The following PTPRU variants were observed in gnomAD, a reference collection of about 807,000 sequenced individuals.
PTPRU encodes protein tyrosine phosphatase receptor type U, also known as receptor-type tyrosine-protein phosphatase U.
A neutral mutation model predicts 166.3 loss-of-function variants in PTPRU; 69 were observed. The ratio of observed to expected loss-of-function variants is 0.41; its 90% confidence interval spans 0.34 to 0.51. The LOEUF (loss-of-function observed/expected upper bound fraction) is 0.51, where lower values mean the gene tolerates loss of function less well. Ranked by LOEUF, PTPRU falls within the 20% of genes least tolerant of loss-of-function variation. The pLI, the probability that PTPRU is intolerant of heterozygous loss-of-function variation, is 0.09. For synonymous variants in PTPRU, 793 were observed against 814.0 expected (o/e 0.97, Z 0.44); for missense variants, 1,657 against 2,013.7 (o/e 0.82, Z 3.39).
chr1:29,250,615 G>A (rs1684506325), intron 1 of PTPRU, among the ~76,000 whole-genome samples: 1 of 152,212 alleles, frequency 6.6e-6, no homozygotes, highest in Non-Finnish European at 1.5e-5. Flanking sequence ...CCTTCATAGA[G>A]GTATTGATGT....
Position 29,271,007 on chromosome 1 carries a change from G to A in PTPRU, c.1145-4441G>A, listed in dbSNP as rs532777056. On this transcript the variant is annotated intron_variant, in intron 7 of 29. Transcript: ENST00000373779. This position sits in a 1 kb window ranked among gnomAD's most constrained non-coding sequence, Gnocchi z 4.4. ...AAGAACTAATGAGAGGTGGAGATAGGATGTGAACTTGGGTGTACCAGATCC... is the reference window on the plus strand; with the variant it reads ...AAGAACTAATGAGAGGTGGAGATAGAATGTGAACTTGGGTGTACCAGATCC... 6.6e-6 allele frequency among the ~76,000 whole-genome samples: 1 copy of A among 152,302 alleles called. No individual in the cohort carries two copies. Among genetic ancestry groups the A allele is most frequent in the Non-Finnish European group, 1.5e-5 (1 of 68,026 alleles).
At chr1:29,303,351 G>A (rs1687226722) in intron 15 of PTPRU, among the ~76,000 whole-genome samples, 1 of 152,266 alleles carries the variant, frequency 6.6e-6, no homozygotes, top group Admixed American at 6.5e-5. Context: ...CGGTGGAACT[G>A]CCTGCGCAGG....
chr1:29,289,572 C>T (rs1686523855), intron 14 of PTPRU: 2 of 1,336,950 alleles, frequency 1.5e-6, no homozygotes, highest in South Asian at 2.5e-5. Flanking sequence ...GCCCCCTCCC[C>T]AGCCCGGGAG....
chr1:29,259,600 T>TGGGGGTTTTTTTGGGGGGGGGGGGGGGG, intron 5 of PTPRU, 36 bp downstream of exon 5: 1 of 253,696 alleles, frequency 3.9e-6, no homozygotes, highest in Non-Finnish European at 7.7e-6. Context: ...GGGGGCGGGG[T>TGGGGGTTTTTTTGGGGGGGGGGGGGGGG]GGGAGGGGGT....
chr1:29,291,740 A>G lies in PTPRU; in HGVS notation c.2319-129A>G. The G allele has an allele frequency of 1.1e-6, 1 of 950,518 alleles. No homozygotes were observed. Among genetic ancestry groups the G allele is most frequent in the Non-Finnish European group, 1.6e-6 (1 of 633,656 alleles). 58.9% of individuals were successfully genotyped at this position (950,518 alleles called of 1,614,324 possible). A position where few individuals can be genotyped will look rare whatever the true frequency, so the allele number is the denominator to read the frequency against. On this transcript the variant is annotated intron_variant, in intron 14 of 29. Coordinates refer to ENST00000373779, the MANE Select transcript of PTPRU (RefSeq NM_133178.4). This position sits in a 1 kb window ranked among gnomAD's most constrained non-coding sequence, Gnocchi z 4.1. ...GATGGGGGCAGAGCCCTCAGCATCC[A>G]GAGATGCTTCTAGGACAGCTGCTGG... is the stretch of plus-strand genomic sequence containing the variant.
In PTPRU at chr1:29,315,581, G is replaced by A. The variant is rs1007523292; in HGVS notation, c.3363+74G>A. 13 of 1,590,984 alleles carry A rather than the reference G, an allele frequency of 8.2e-6. No homozygotes were observed. The highest frequency in any genetic ancestry group is 2.7e-5 in the African/African-American group (2 of 74,594). ...GTTTCTCGTGAAGGATCCTGGAGCC[G>A]GCAGAGCATGCCCAAAGGGTGTCCT... On this transcript the variant is annotated intron_variant, in intron 23 of 29. Coordinates refer to ENST00000373779, the MANE Select transcript of PTPRU (RefSeq NM_133178.4). The surrounding 1 kb of genome is among the most constrained non-coding windows in gnomAD (Gnocchi z 4.5).
chr1:29,317,614 C>A lies in PTPRU; in HGVS notation c.3514-134C>A. The A allele has an allele frequency of 9.6e-7, 1 of 1,046,952 alleles. No individual in the cohort carries two copies. The highest frequency in any genetic ancestry group is 1.4e-6 in the Non-Finnish European group (1 of 731,048). The allele number at this position is 1,046,952 out of a possible 1,614,324, so 64.9% of individuals were successfully genotyped here. On this transcript the variant is annotated intron_variant, in intron 24 of 29. Transcript: ENST00000373779. This position sits in a 1 kb window ranked among gnomAD's most constrained non-coding sequence, Gnocchi z 5.6. The stretch of plus-strand genomic sequence containing the variant: ...AGGGAGTCTGGCTCCGTGCCCTGTA[C>A]CCTTCTCTCTGGACCTCAGTTTCTC...
chr1:29,305,758 G>A (rs1687362033), intron 18 of PTPRU, among the ~76,000 whole-genome samples: 1 of 152,200 alleles, frequency 6.6e-6, no homozygotes, highest in Non-Finnish European at 1.5e-5. Context: ...TGAGGCTGAA[G>A]AGGTAGGCAG....
rs755927022 is a variant in PTPRU, at chr1:29,260,083, C to T, written c.850+39C>T. ...CGCCGGGGAGCGCCGGGACCTCACCCTCGAGGGGCGGGGCCGGCGACGGGG... is the reference window on the plus strand; with the variant it reads ...CGCCGGGGAGCGCCGGGACCTCACCTTCGAGGGGCGGGGCCGGCGACGGGG... On this transcript the variant is annotated intron_variant, in intron 6 of 29. Transcript: ENST00000373779. This position sits in a 1 kb window ranked among gnomAD's most constrained non-coding sequence, Gnocchi z 8.3. 149 of 1,349,890 alleles carry T rather than the reference C, an allele frequency of 1.1e-4. No homozygotes were observed. The highest frequency in any genetic ancestry group is 5.1e-4 in the African/African-American group (33 of 64,784). The allele number at this position is 1,349,890 out of a possible 1,614,324, so 83.6% of individuals were successfully genotyped here. A position where few individuals can be genotyped will look rare whatever the true frequency, so the allele number is the denominator to read the frequency against.
At chr1:29,284,058 A>G (rs991237733) in intron 13 of PTPRU, 82 bp downstream of exon 13, 41 of 1,551,896 alleles carry the variant, frequency 2.6e-5, no homozygotes, top group Non-Finnish European at 3.4e-5. Context: ...CTGAGGACCT[A>G]CGGCTGTGGG....
At position 29,238,868 on chromosome 1, in the gene PTPRU, G is replaced by A. The variant is rs545132317; in HGVS notation, c.73+2151G>A. Among the ~76,000 whole-genome samples, 1 of 152,334 alleles carries A rather than the reference G, an allele frequency of 6.6e-6. No homozygotes were observed. The highest frequency in any genetic ancestry group is 1.9e-4 in the East Asian group (1 of 5,180). On this transcript the variant is annotated intron_variant, in intron 1 of 29. Coordinates refer to ENST00000373779, the MANE Select transcript of PTPRU (RefSeq NM_133178.4). This position sits in a 1 kb window ranked among gnomAD's most constrained non-coding sequence, Gnocchi z 6.1. ...GACTGTCAGGAACTGAAGTTTGGGA[G>A]TGAGGCCTAGAGCAGGTTACTCCCA...
At chr1:29,267,399 G>A (rs1367541187) in intron 7 of PTPRU, among the ~76,000 whole-genome samples, 1 of 152,202 alleles carries the variant, frequency 6.6e-6, no homozygotes. Flanking sequence ...ATGGTGATAA[G>A]TGCCGTGAAG....
intron 5 of PTPRU, 109 bp from the exon 6 acceptor site, chr1:29,259,761 C>T: frequency 7.4e-7 from 1 of 1,350,562 alleles, no homozygotes; most frequent in South Asian, 1.5e-5. Context: ...GCTCCAGGAA[C>T]CTATGTCCGC....
At chr1:29,302,297 CA>C (rs1687174221) in intron 15 of PTPRU, among the ~76,000 whole-genome samples, 1 of 152,016 alleles carries the variant, frequency 6.6e-6, no homozygotes, top group Admixed American at 6.6e-5. Context: ...CATGTCATTA[CA>C]AAAGTCAAAA....
intron 7 of PTPRU, among the ~76,000 whole-genome samples, chr1:29,269,682 C>T (rs1276488984): frequency 2.0e-5 from 3 of 152,072 alleles, no homozygotes; most frequent in Non-Finnish European, 4.4e-5. Flanking sequence ...AAACTCCCCT[C>T]GCACTATATT....
intron 15 of PTPRU, among the ~76,000 whole-genome samples, chr1:29,301,239 AC>A (rs1322771812): frequency 6.6e-6 from 1 of 152,220 alleles, no homozygotes; most frequent in Non-Finnish European, 1.5e-5. Flanking sequence ...GTTTTGGTCA[AC>A]AATGGACCAC....
Position 29,279,043 on chromosome 1 carries a change from C to T in PTPRU, c.1485C>T (p.Thr495=). The change falls in exon 9 of 30, where the codon ACC becomes ACT. Residue 495 remains threonine, a synonymous_variant. Coordinates refer to ENST00000373779, the MANE Select transcript of PTPRU (RefSeq NM_133178.4). This position sits in a 1 kb window ranked among gnomAD's most constrained non-coding sequence, Gnocchi z 5.2. ...GTGGGATTGCAGCCGAGTCCCTGAC[C>T]TTCACTCCACTGGAGGACATGATCT... ...VPSGIAAESL[T]FTPLEDMIFL... 1 of 1,592,266 alleles carries T rather than the reference C, an allele frequency of 6.3e-7. No individual in the cohort carries two copies. The highest frequency in any genetic ancestry group is 8.6e-7 in the Non-Finnish European group (1 of 1,168,898).
chr1:29,297,372 A>C (rs951202071), intron 15 of PTPRU, among the ~76,000 whole-genome samples: 3 of 152,106 alleles, frequency 2.0e-5, no homozygotes, highest in Non-Finnish European at 2.9e-5. Context: ...AGCTGTTATT[A>C]ACCCTTCAGC....
chr1:29,258,161 T>TA (rs1231776602), intron 2 of PTPRU, among the ~76,000 whole-genome samples: 3 of 152,124 alleles, frequency 2.0e-5, no homozygotes, highest in Non-Finnish European at 2.9e-5. Context: ...GACAGGGTTT[T>TA]ACCATATTGG....
Sources: gnomAD v4.1 joint callset for allele counts (sites outside exome capture counted in the v4.1 genomes callset) on GRCh38, gnomAD v4.1.1 for gene constraint, Gnocchi (gnomAD v3.1) non-coding constraint, MANE v1.5 for transcripts, NCBI Gene and HGNC (gene_info 2026-07-23, HGNC 2026-07-21) for gene names.